RANBP2: variants seen among roughly 807,000 people sequenced by gnomAD.
The protein encoded by RANBP2 is E3 SUMO-protein ligase RanBP2.
RANBP2 carries 57 observed loss-of-function variants against 303.6 expected under a neutral mutation model. That is an observed-to-expected ratio of 0.19 (90% confidence interval 0.15 to 0.23). The LOEUF is 0.23. Ranked by LOEUF, RANBP2 falls within the 10% of genes least tolerant of loss-of-function variation. The pLI is 1.00. For synonymous variants in RANBP2, 1,167 were observed against 1,301.5 expected, an observed-to-expected ratio of 0.90 and a Z score of 2.23; for missense variants, 3,138 against 3,780.8, an observed-to-expected ratio of 0.83 and a Z score of 4.46.
chr2:109,423,332 A>G, the RANBP2 span, among the ~76,000 whole-genome samples: 1 of 152,210 alleles, frequency 6.6e-6, no homozygotes, highest in South Asian at 2.1e-4. Context: ...GCTCTCTGTC[A>G]TGGCAGGGAT....
At chr2:108,898,528 A>G in the RANBP2 span, among the ~76,000 whole-genome samples, 1 of 152,198 alleles carries the variant, frequency 6.6e-6, no homozygotes, top group African/African-American at 2.4e-5. Flanking sequence ...ACATAAAACT[A>G]CACAGGTCTC....
the RANBP2 span, among the ~76,000 whole-genome samples, chr2:109,366,085 TA>T: frequency 6.6e-6 from 1 of 152,150 alleles, no homozygotes; most frequent in Admixed American, 6.5e-5. Flanking sequence ...AAAGAAAAAA[TA>T]AATATAAAAG....
At chr2:109,005,466 C>T in the RANBP2 span, among the ~76,000 whole-genome samples, 1 of 152,180 alleles carries the variant, frequency 6.6e-6, no homozygotes, top group Non-Finnish European at 1.5e-5. Context: ...TCTTTGACCT[C>T]CCATCCTTCT....
chr2:108,946,595 A>C, the RANBP2 span, among the ~76,000 whole-genome samples: 1 of 152,208 alleles, frequency 6.6e-6, no homozygotes, highest in South Asian at 2.1e-4. Flanking sequence ...ACAGTTCCAC[A>C]TGGCTGGCAG....
At chr2:109,505,101 C>T in the RANBP2 span, among the ~76,000 whole-genome samples, 1 of 152,184 alleles carries the variant, frequency 6.6e-6, no homozygotes, top group Non-Finnish European at 1.5e-5. Flanking sequence ...GCCCTTGGGG[C>T]GCCTGAGCCA....
chr2:108,972,493 C>T, the RANBP2 span, among the ~76,000 whole-genome samples: 25 of 152,146 alleles, frequency 1.6e-4, no homozygotes, highest in Non-Finnish European at 3.1e-4. Context: ...GTGGGAGTGC[C>T]GGGGCAGGGC....
At chr2:109,058,387 C>T in the RANBP2 span, among the ~76,000 whole-genome samples, 8 of 152,192 alleles carry the variant, frequency 5.3e-5, no homozygotes, top group African/African-American at 1.9e-4. Context: ...TCCCTGGCTG[C>T]CAGGCCCTGT....
the RANBP2 span, among the ~76,000 whole-genome samples, chr2:109,166,665 G>A: frequency 6.6e-6 from 1 of 152,184 alleles, no homozygotes; most frequent in African/African-American, 2.4e-5. Context: ...AAGGAATCGA[G>A]GGAGCAGAAA....
chr2:108,884,610 A>C, the RANBP2 span: 107,297 of 152,018 alleles, frequency 0.71, 41,294 homozygotes, highest in East Asian at 0.9. Flanking sequence ...ACAAAGCTCC[A>C]CATAATAAAC....
the RANBP2 span, among the ~76,000 whole-genome samples, chr2:108,853,591 A>G: frequency 6.6e-6 from 1 of 150,676 alleles, no homozygotes; most frequent in Admixed American, 6.7e-5. Flanking sequence ...CAGTGGTGCA[A>G]GCATAACTTA....
the RANBP2 span, among the ~76,000 whole-genome samples, chr2:108,971,617 T>C: frequency 2.6e-5 from 4 of 152,136 alleles, no homozygotes; most frequent in African/African-American, 4.8e-5. Flanking sequence ...AGGAAGGGTA[T>C]TAGAGATAGG....
At chr2:108,951,318 C>G in the RANBP2 span, among the ~76,000 whole-genome samples, 1 of 152,218 alleles carries the variant, frequency 6.6e-6, no homozygotes, top group African/African-American at 2.4e-5. Flanking sequence ...TGAAGAAACT[C>G]TGAACTTAGC....
chr2:108,798,721 ACAC>A, the RANBP2 span: 2 of 573,866 alleles, frequency 3.5e-6, no homozygotes, highest in Non-Finnish European at 6.1e-6. Flanking sequence ...ACACACACAC[ACAC>A]ACACACACAC....
the RANBP2 span, among the ~76,000 whole-genome samples, chr2:109,078,251 ATATATATATATAGC>A: frequency 1.9e-5 from 1 of 51,652 alleles, no homozygotes; most frequent in Admixed American, 1.8e-4. Flanking sequence ...TAGCGTGTAT[ATATATATATATAGC>A]GCGTATATAT....
the RANBP2 span, among the ~76,000 whole-genome samples, chr2:109,259,780 T>G: frequency 6.6e-6 from 1 of 152,230 alleles, no homozygotes; most frequent in Admixed American, 6.5e-5. Flanking sequence ...GGGAGCTTTA[T>G]TCAGACAAGT....
chr2:109,233,083 C>T, the RANBP2 span, among the ~76,000 whole-genome samples: 1 of 152,142 alleles, frequency 6.6e-6, no homozygotes, highest in Non-Finnish European at 1.5e-5. Context: ...GGGCTCCATC[C>T]CACAGCAGTG....
the RANBP2 span, chr2:108,791,485 T>C: frequency 1.6e-6 from 1 of 620,424 alleles, no homozygotes; most frequent in Non-Finnish European, 2.9e-6. Flanking sequence ...AAGATGCTTG[T>C]AGTGGGTTAT....
At chr2:109,441,693 A>G in the RANBP2 span, among the ~76,000 whole-genome samples, 1 of 152,264 alleles carries the variant, frequency 6.6e-6, no homozygotes, top group South Asian at 2.1e-4. Context: ...AGTTTCAAAG[A>G]CAGTTGGTGA....
the RANBP2 span, among the ~76,000 whole-genome samples, chr2:109,472,980 G>A: frequency 2.0e-5 from 3 of 152,160 alleles, no homozygotes; most frequent in Non-Finnish European, 4.4e-5. Context: ...AATTCTACCC[G>A]ACTCGTGGGG....
Sources: gnomAD v4.1 joint callset for allele counts (sites outside exome capture counted in the v4.1 genomes callset) on GRCh38, gnomAD v4.1.1 for gene constraint, MANE v1.5 for transcripts, NCBI Gene and HGNC (gene_info 2026-07-23, HGNC 2026-07-21) for gene names.